DMXL1: variants seen among roughly 807,000 people sequenced by gnomAD.
The protein encoded by DMXL1 is dmX-like protein 1.
Under a neutral mutation model 319.2 loss-of-function variants are expected in DMXL1, and 99 were observed. The ratio of observed to expected loss-of-function variants is 0.31; its 90% confidence interval spans 0.26 to 0.37. The LOEUF is 0.37. Among genes scored for constraint, DMXL1 ranks in the 10% least tolerant of loss-of-function variants. DMXL1 has a pLI of 1.00. For missense variants in DMXL1, 3,745 were observed against 3,595.6 expected, an observed-to-expected ratio of 1.04 and a Z score of -1.06; for synonymous variants, 1,385 against 1,235.2, an observed-to-expected ratio of 1.12 and a Z score of -2.54.
intron 1 of DMXL1, among the ~76,000 whole-genome samples, chr5:119,083,528 G>A (rs992253882): frequency 1.9e-4 from 29 of 151,926 alleles, no homozygotes; most frequent in African/African-American, 6.3e-4. Flanking sequence ...TGGATCATAC[G>A]GTTGTTCAGT....
Position 119,079,112 on chromosome 5 carries a change from C to T in DMXL1, c.87+7456C>T, listed in dbSNP as rs560071413. 9.9e-5 allele frequency among the ~76,000 whole-genome samples: 15 copies of T among 152,270 alleles called. No homozygotes were observed. The South Asian group carries it at 3.1e-3, about 32-fold the overall frequency. ...GCCAACCTCAAATGGGACCTCAAAG[C>T]TTTCCAGGAATCCTCCCACCAGTCT... is the stretch of plus-strand genomic sequence containing the variant. On this transcript the variant is annotated intron_variant, in intron 1 of 43. Coordinates refer to ENST00000539542, the MANE Select transcript of DMXL1 (RefSeq NM_001290321.3).
At chr5:119,199,467 C>T (rs1463429200) in intron 32 of DMXL1, among the ~76,000 whole-genome samples, 1 of 152,136 alleles carries the variant, frequency 6.6e-6, no homozygotes, top group Non-Finnish European at 1.5e-5. Flanking sequence ...TCCAGTCTGT[C>T]ACTGATGAGC....
At chr5:119,079,544 G>C (rs1243982242) in intron 1 of DMXL1, among the ~76,000 whole-genome samples, 1 of 152,172 alleles carries the variant, frequency 6.6e-6, no homozygotes, top group Non-Finnish European at 1.5e-5. Context: ...GTCTGTATTT[G>C]TTGCCACTTT....
intron 35 of DMXL1, among the ~76,000 whole-genome samples, chr5:119,217,560 C>CTGTA (rs1185043217): frequency 6.6e-6 from 1 of 152,134 alleles, no homozygotes; most frequent in Non-Finnish European, 1.5e-5. Context: ...AATTGCCTTA[C>CTGTA]TGTATGGTTC....
In DMXL1 at chr5:119,100,273, T is replaced by TA. The variant is rs1268418659; in HGVS notation, c.214-1651dup. Among the ~76,000 whole-genome samples the TA allele has an allele frequency of 4.5e-3, 643 of 142,056 alleles. 4 individuals carry two copies. The highest frequency in any genetic ancestry group is 0.011 in the African/African-American group (429 of 38,836). 93.2% of individuals were successfully genotyped at this position (142,056 alleles called of 152,430 possible). On this transcript the variant is annotated intron_variant, in intron 2 of 43. Transcript: ENST00000539542. ...GAGAAACCCCGTCTCTACTACAAAA[T>TA]AAAAAAAAAAACATTAGCTGGGCGT... is the stretch of plus-strand genomic sequence containing the variant.
At chr5:119,185,207 T>G (rs1456358187) in intron 28 of DMXL1, among the ~76,000 whole-genome samples, 1 of 152,026 alleles carries the variant, frequency 6.6e-6, no homozygotes, top group East Asian at 1.9e-4. Flanking sequence ...CTCCTCTACC[T>G]CCTTCCCTTC....
chr5:119,113,039 C>A (rs1215942049), intron 5 of DMXL1, among the ~76,000 whole-genome samples: 1 of 152,114 alleles, frequency 6.6e-6, no homozygotes, highest in Non-Finnish European at 1.5e-5. Flanking sequence ...AATGTGTGTA[C>A]AGGCATGTTC....
At chr5:119,127,664 C>G (rs552416612) in intron 9 of DMXL1, 3 of 175,206 alleles carry the variant, frequency 1.7e-5, no homozygotes, top group Non-Finnish European at 3.6e-5. Flanking sequence ...GTCTCGAACC[C>G]CTGGCCTCAA....
intron 15 of DMXL1, among the ~76,000 whole-genome samples, chr5:119,145,738 A>G (rs796949155): frequency 4.0e-5 from 6 of 151,710 alleles, no homozygotes; most frequent in African/African-American, 1.4e-4. Flanking sequence ...TAAGGCTAAG[A>G]TTTTTCTTAA....
chr5:119,092,109 G>A (rs928660348), intron 1 of DMXL1, among the ~76,000 whole-genome samples: 6 of 152,036 alleles, frequency 3.9e-5, no homozygotes, highest in African/African-American at 1.4e-4. Flanking sequence ...ATTGGGGGAG[G>A]GGTGTTGTGA....
intron 8 of DMXL1, among the ~76,000 whole-genome samples, chr5:119,119,534 A>G (rs944422572): frequency 4.2e-5 from 6 of 142,546 alleles, no homozygotes; most frequent in Admixed American, 7.1e-5. Context: ...GATTCTTCCA[A>G]TTTTTTTTTT....
intron 1 of DMXL1, 61 bp downstream of exon 1, chr5:119,071,717 A>T: frequency 6.9e-7 from 1 of 1,457,220 alleles, no homozygotes; most frequent in Non-Finnish European, 9.2e-7. Flanking sequence ...TTCTGGGCCG[A>T]GCTTGGCCCA....
intron 4 of DMXL1, among the ~76,000 whole-genome samples, chr5:119,108,726 A>G (rs959376142): frequency 4.0e-5 from 6 of 151,132 alleles, no homozygotes; most frequent in African/African-American, 1.2e-4. Context: ...AGCCTTGACA[A>G]TACTTTTTGA....
intron 1 of DMXL1, among the ~76,000 whole-genome samples, chr5:119,096,601 C>T (rs1335723670): frequency 6.6e-6 from 1 of 152,122 alleles, no homozygotes; most frequent in Non-Finnish European, 1.5e-5. Flanking sequence ...GTAACGTGTG[C>T]CAGTCTATAA....
At chr5:119,077,674 A>ATGTGTGTGTG (rs369098761) in intron 1 of DMXL1, among the ~76,000 whole-genome samples, 25 of 118,896 alleles carry the variant, frequency 2.1e-4, no homozygotes, top group African/African-American at 9.0e-4. Context: ...GTGTATATAT[A>ATGTGTGTGTG]TGTGTGTGTG....
intron 9 of DMXL1, among the ~76,000 whole-genome samples, chr5:119,124,048 C>A (rs563970688): frequency 6.6e-6 from 1 of 151,670 alleles, no homozygotes; most frequent in Non-Finnish European, 1.5e-5. Context: ...GTCACTCATA[C>A]CTGTAATCCC....
Position 119,120,975 on chromosome 5 carries a change from A to T in DMXL1, c.938A>T (p.Asn313Ile). ...GTTTTGTTTCTATTCACACAGGTAA[A>T]TCTGAGACATTTTCGTAGAGGTCGG... ...KERVQNALEV[N>I]LRHFRRGRRR... The change falls in exon 9 of 44, where the codon AAT (asparagine) becomes ATT (isoleucine). Residue 313 changes from asparagine to isoleucine, a missense_variant. This residue lies in a region of DMXL1 where 2,096 missense variants were observed against 1,985.4 expected (regional missense o/e 1.06). Coordinates refer to ENST00000539542, the MANE Select transcript of DMXL1 (RefSeq NM_001290321.3). The T allele has an allele frequency of 6.2e-7, 1 of 1,608,088 alleles. No homozygotes were observed. The highest frequency in any genetic ancestry group is 8.5e-7 in the Non-Finnish European group (1 of 1,178,092).
intron 32 of DMXL1, 72 bp downstream of exon 32, chr5:119,198,028 A>C: frequency 6.8e-7 from 1 of 1,479,580 alleles, no homozygotes; most frequent in Non-Finnish European, 9.3e-7. Flanking sequence ...TCGCTCTGTC[A>C]TCCGGGCTGG....
At chr5:119,230,089 T>G (rs1398822512) in intron 38 of DMXL1, among the ~76,000 whole-genome samples, 1 of 152,190 alleles carries the variant, frequency 6.6e-6, no homozygotes, top group Non-Finnish European at 1.5e-5. Context: ...GGAAAACTGT[T>G]TTGAAGTAGA....
Sources: allele counts gnomAD v4.1 joint callset (sites outside exome capture counted in the v4.1 genomes callset), GRCh38; gene constraint gnomAD v4.1.1; regional missense constraint gnomAD v4.1.1; transcripts MANE v1.5; gene names NCBI Gene and HGNC (gene_info 2026-07-23, HGNC 2026-07-21).